Variants in BPTF observed in about 807,000 individuals in gnomAD.
BPTF encodes the protein nucleosome-remodeling factor subunit BPTF.
A neutral mutation model predicts 292.5 loss-of-function variants in BPTF; 18 were observed. The observed-to-expected ratio is 0.06, with a 90% CI of 0.04 to 0.09. The LOEUF (loss-of-function observed/expected upper bound fraction) is 0.09. BPTF is among the 10% of genes least tolerant of loss of function. The pLI, the probability that BPTF is intolerant of heterozygous loss-of-function variation, is 1.00. For missense variants in BPTF, 2,726 were observed against 3,498.7 expected, an observed-to-expected ratio of 0.78 and a Z score of 5.57; for synonymous variants, 1,225 against 1,251.9, an observed-to-expected ratio of 0.98 and a Z score of 0.45.
intron 2 of BPTF, among the ~76,000 whole-genome samples, chr17:67,864,977 T>C (rs1485088088): frequency 6.6e-6 from 1 of 152,026 alleles, no homozygotes; most frequent in African/African-American, 2.4e-5. Context: ...GCTAATTTTT[T>C]TTGTATTTTT....
At chr17:67,917,131 C>CTTTTCCTTTCTTTTTTTTTTTTTTTTTT (rs1194058584) in intron 11 of BPTF, among the ~76,000 whole-genome samples, 4 of 105,808 alleles carry the variant, frequency 3.8e-5, no homozygotes, top group African/African-American at 1.4e-4. Context: ...TGGTATTGTC[C>CTTTTCCTTTCTTTTTTTTTTTTTTTTTT]TTTTTTTTTT....
At chr17:67,904,614 C>T in intron 8 of BPTF, 88 bp from the exon 9 acceptor site, 1 of 1,044,712 alleles carries the variant, frequency 9.6e-7, no homozygotes, top group South Asian at 2.7e-5. Flanking sequence ...GACTTTGAAA[C>T]TTGTTTGGTA....
intron 9 of BPTF, among the ~76,000 whole-genome samples, chr17:67,906,870 G>A (rs1333045211): frequency 6.6e-6 from 1 of 152,096 alleles, no homozygotes; most frequent in Non-Finnish European, 1.5e-5. Flanking sequence ...GGGATATTTA[G>A]GTTCAAGTGA....
At chr17:67,961,873 C>T (rs1402052692) in intron 24 of BPTF, among the ~76,000 whole-genome samples, 5 of 152,054 alleles carry the variant, frequency 3.3e-5, no homozygotes, top group African/African-American at 1.2e-4. Context: ...ACTCGGGAGG[C>T]CGAGTCAGGA....
At chr17:67,901,101 G>A (rs1260056714) in intron 7 of BPTF, among the ~76,000 whole-genome samples, 1 of 152,024 alleles carries the variant, frequency 6.6e-6, no homozygotes, top group Non-Finnish European at 1.5e-5. Context: ...AAAGGTACTA[G>A]ATATTAAAGC....
intron 27 of BPTF, 62 bp downstream of exon 27, chr17:67,976,020 G>C (rs1260907349): frequency 1.5e-6 from 2 of 1,332,348 alleles, no homozygotes; most frequent in Non-Finnish European, 2.0e-6. Flanking sequence ...ATACTATTCT[G>C]TCTAACGATT....
chr17:67,870,766 CT>C (rs11418428), intron 3 of BPTF, among the ~76,000 whole-genome samples: 6 of 106,378 alleles, frequency 5.6e-5, no homozygotes, highest in East Asian at 2.9e-4. Flanking sequence ...TGCTTCATTT[CT>C]TTTTTTTTTT....
In BPTF at chr17:67,970,838, T is replaced by C. The variant is rs147096891; in HGVS notation, c.8539+4182T>C. ...AGCCCCCATCAATAGATTTTTTTAT[T>C]GTGTGTAGTTTTTGCTAGTATAAAC... is the stretch of plus-strand genomic sequence containing the variant. On this transcript the variant is annotated intron_variant, in intron 26 of 27. Coordinates refer to ENST00000306378, the MANE Select transcript of BPTF (RefSeq NM_182641.4). Among the ~76,000 whole-genome samples, 6 of 152,340 alleles carry C rather than the reference T, an allele frequency of 3.9e-5. No individual in the cohort carries two copies. The East Asian group carries it at 1.2e-3, about 29-fold the overall frequency.
chr17:67,842,322 A>C (rs997655690), intron 1 of BPTF, among the ~76,000 whole-genome samples: 2 of 152,016 alleles, frequency 1.3e-5, no homozygotes, highest in Admixed American at 6.6e-5. Context: ...TCCTGTTGCA[A>C]CTCATGACTC....
rs756536109 is a variant in BPTF, at chr17:67,903,855, GGAA to G, written c.2620_2622del (p.Glu874del). ...AAGTCAAAAAAAAAGAGAAGAAACA[GGAA>G]GAAGAAGAAACGATGCAGCAAGCGA... On this transcript the variant is annotated inframe_deletion, in exon 8 of 28. Transcript: ENST00000306378. 11 of 1,593,502 alleles carry G rather than the reference GGAA, an allele frequency of 6.9e-6. No homozygotes were observed. Among genetic ancestry groups the G allele is most frequent in the East Asian group, 2.3e-5 (1 of 44,326 alleles).
chr17:67,963,312 T>G, intron 24 of BPTF: 1 of 1,511,224 alleles, frequency 6.6e-7, no homozygotes, highest in South Asian at 1.2e-5. Flanking sequence ...ACATTGTCAT[T>G]TTCATTGTGA....
intron 4 of BPTF, among the ~76,000 whole-genome samples, chr17:67,886,516 A>G (rs145422614): frequency 7.4e-4 from 113 of 151,724 alleles, no homozygotes; most frequent in African/African-American, 2.7e-3. Flanking sequence ...ACTTGCACTC[A>G]ATGTTTTTGT....
chr17:67,941,474 A>G (rs538906521), intron 19 of BPTF, among the ~76,000 whole-genome samples: 7 of 152,302 alleles, frequency 4.6e-5, no homozygotes, highest in Admixed American at 1.3e-4. Context: ...AAAACTTAGT[A>G]TATAATACTT....
chr17:67,906,363 C>T (rs1030787296), intron 9 of BPTF, among the ~76,000 whole-genome samples: 7 of 152,004 alleles, frequency 4.6e-5, no homozygotes, highest in African/African-American at 1.4e-4. Context: ...ACAGGTGTGA[C>T]CACTGCGCCT....
At chr17:67,944,895 G>T (rs1389695392) in intron 20 of BPTF, among the ~76,000 whole-genome samples, 2 of 130,918 alleles carry the variant, frequency 1.5e-5, no homozygotes, top group Non-Finnish European at 3.3e-5. Flanking sequence ...GCCCTCTAGA[G>T]TTAGGAGAGT....
chr17:67,850,930 C>G (rs1465478860), intron 1 of BPTF, among the ~76,000 whole-genome samples: 4 of 152,020 alleles, frequency 2.6e-5, no homozygotes, highest in Non-Finnish European at 4.4e-5. Flanking sequence ...CAAGCTTTAT[C>G]CCATGTAAAT....
chr17:67,874,906 G>A lies in BPTF; in HGVS notation c.1750G>A (p.Glu584Lys). Residue 584 changes from glutamate (E) to lysine (K), a missense_variant, in exon 4 of 28, where the codon GAG becomes AAG. By Grantham distance (56) the Glu-to-Lys change is moderately conservative. Transcript: ENST00000306378. ...AACAGAAAAAGACAAGAATGAGACT[G>A]AGAATGACTCTAAAGATGCTGAGAA... ...EETEKDKNETENDSKDAEKNR... is the reference protein window; with the variant it reads ...EETEKDKNETKNDSKDAEKNR... The A allele has an allele frequency of 6.2e-7, 1 of 1,613,766 alleles. No homozygotes were observed. Among genetic ancestry groups the A allele is most frequent in the Non-Finnish European group, 8.5e-7 (1 of 1,179,814 alleles).
intron 2 of BPTF, among the ~76,000 whole-genome samples, chr17:67,859,983 ATTT>A (rs1157687348): frequency 6.6e-6 from 1 of 152,132 alleles, no homozygotes; most frequent in Admixed American, 6.5e-5. Flanking sequence ...CAAATATTTT[ATTT>A]TTCTTAGTGG....
intron 1 of BPTF, among the ~76,000 whole-genome samples, chr17:67,840,104 ATT>A (rs113437066): frequency 0.079 from 10,985 of 139,114 alleles, 624 homozygotes; most frequent in East Asian, 0.19. Context: ...AAAAATACTG[ATT>A]TTTTTTTTTT....
Sources: gnomAD v4.1 joint callset for allele counts (sites outside exome capture counted in the v4.1 genomes callset) on GRCh38, gnomAD v4.1.1 for gene constraint, MANE v1.5 for transcripts, NCBI Gene and HGNC (gene_info 2026-07-23, HGNC 2026-07-21) for gene names.